The following GEMIN2 variants were observed in gnomAD, a reference collection of about 807,000 sequenced individuals.
The protein encoded by GEMIN2 is gem-associated protein 2.
GEMIN2 carries 37 observed loss-of-function variants against 45.8 expected under a neutral mutation model. The observed-to-expected ratio is 0.81, with a 90% confidence interval of 0.62 to 1.06. The LOEUF (loss-of-function observed/expected upper bound fraction) is 1.06. Among genes scored for constraint, GEMIN2 ranks in the 50% least tolerant of loss-of-function variants. The probability of loss-of-function intolerance (pLI) is 0.00; values close to 1 mark genes in which losing one functional copy is unlikely to be tolerated. For missense variants in GEMIN2, 335 were observed against 321.8 expected, an observed-to-expected ratio of 1.04 and a Z score of -0.31; for synonymous variants, 101 against 111.5, an observed-to-expected ratio of 0.91 and a Z score of 0.60.
intron 6 of GEMIN2, 150 bp from the exon 7 acceptor site, chr14:39,128,130 A>C: frequency 2.0e-6 from 1 of 492,668 alleles, no homozygotes; most frequent in Admixed American, 3.7e-5. Flanking sequence ...AACTAATTAG[A>C]GTCAAACAAA....
chr14:39,121,048 T>G (rs909460133), intron 4 of GEMIN2, among the ~76,000 whole-genome samples: 5 of 152,374 alleles, frequency 3.3e-5, no homozygotes, highest in Admixed American at 3.3e-4. Flanking sequence ...TGAGTAGATC[T>G]GTTTCTTCTT....
At position 39,114,332 on chromosome 14, in the gene GEMIN2, G is replaced by GA; in HGVS notation, c.-3dup. 1.9e-6 allele frequency: 3 copies of GA among 1,613,972 alleles called. No individual in the cohort carries two copies. The highest frequency in any genetic ancestry group is 2.5e-6 in the Non-Finnish European group (3 of 1,179,920). On this transcript the variant is annotated 5_prime_UTR_variant, in exon 1 of 10. Transcript: ENST00000308317. ...TGCGCCGAGCGGAACTGGCTGGTTT[G>GA]AAAACCATGGCGTGGGTACCAGCGG...
chr14:39,128,661 TG>T (rs2052678356), intron 7 of GEMIN2, among the ~76,000 whole-genome samples: 1 of 151,702 alleles, frequency 6.6e-6, no homozygotes, highest in African/African-American at 2.4e-5. Context: ...CAGTTTTTTT[TG>T]TTTTTTGTTT....
In GEMIN2 at chr14:39,114,392, G is replaced by C; in HGVS notation, c.54G>C (p.Leu18Phe). 2 of 1,613,974 alleles carry C rather than the reference G, an allele frequency of 1.2e-6. No individual in the cohort carries two copies. Among genetic ancestry groups the C allele is most frequent in the Middle Eastern group, 3.3e-4 (2 of 6,062 alleles). ...SAVEELMPRL[L>F]PVEPCDLTEG... ...TGGAAGAGTTGATGCCTCGGCTATT[G>C]CCGGTAGAGCCTTGCGACTTGACGG... Residue 18 changes from leucine (L) to phenylalanine (F), a missense_variant, in exon 1 of 10, where the codon TTG (leucine) becomes TTC (phenylalanine). Transcript: ENST00000308317.
In GEMIN2 at chr14:39,136,632, A is replaced by C; in HGVS notation, c.*153A>C. On this transcript the variant is annotated 3_prime_UTR_variant, in exon 10 of 10. Coordinates refer to ENST00000308317, the MANE Select transcript of GEMIN2 (RefSeq NM_003616.3). ...CTGTGCAATTCAGATTGATACTCAG[A>C]ATATGGGTTGATTTGAATATCTGAA... The C allele has an allele frequency of 1.7e-6, 1 of 585,072 alleles. No individual in the cohort carries two copies. Among genetic ancestry groups the C allele is most frequent in the Non-Finnish European group, 3.0e-6 (1 of 330,856 alleles). The allele number at this position is 585,072 out of a possible 1,614,324, so 36.2% of individuals were successfully genotyped here. A position where few individuals can be genotyped will look rare whatever the true frequency, so the allele number is the denominator to read the frequency against.
chr14:39,131,290 T>G (rs545440032), intron 7 of GEMIN2, among the ~76,000 whole-genome samples: 68 of 152,096 alleles, frequency 4.5e-4, no homozygotes, highest in South Asian at 2.5e-3. Context: ...AGAGTGAAAC[T>G]CTGTCTCAAA....
At chr14:39,121,370 A>C (rs1358666416) in intron 4 of GEMIN2, among the ~76,000 whole-genome samples, 1 of 152,042 alleles carries the variant, frequency 6.6e-6, no homozygotes, top group African/African-American at 2.4e-5. Context: ...CTATCTCTAC[A>C]AAAAAAATTT....
intron 8 of GEMIN2, 60 bp downstream of exon 8, chr14:39,132,128 AAGG>A: frequency 1.2e-6 from 1 of 803,206 alleles, no homozygotes; most frequent in Non-Finnish European, 2.2e-6. Flanking sequence ...GGTGGTAAAG[AAGG>A]AGTTCAGTGA....
At chr14:39,122,409 G>GTTTTT (rs60205535) in intron 4 of GEMIN2, 21 bp from the exon 5 acceptor site, 28 of 1,029,162 alleles carry the variant, frequency 2.7e-5, no homozygotes, top group Admixed American at 6.7e-5. Flanking sequence ...GAATAAATCA[G>GTTTTT]TTTTTTTTTT....
At chr14:39,120,003 A>G (rs1374321512) in intron 4 of GEMIN2, among the ~76,000 whole-genome samples, 1 of 152,200 alleles carries the variant, frequency 6.6e-6, no homozygotes, top group Non-Finnish European at 1.5e-5. Context: ...AGGGCTAGGT[A>G]GGTAAATATA....
At chr14:39,125,184 C>T (rs989517449) in intron 6 of GEMIN2, 148 bp downstream of exon 6, 10 of 522,576 alleles carry the variant, frequency 1.9e-5, no homozygotes, top group Non-Finnish European at 3.4e-6. Context: ...TTACTACAAC[C>T]CTCTATGGAG....
At chr14:39,119,690 A>G (rs907733814) in intron 4 of GEMIN2, among the ~76,000 whole-genome samples, 1 of 152,216 alleles carries the variant, frequency 6.6e-6, no homozygotes, top group Non-Finnish European at 1.5e-5. Flanking sequence ...CTGCTTGCAT[A>G]TTCTTCCTGA....
At chr14:39,127,336 G>GTTTTTT (rs760931815) in intron 6 of GEMIN2, among the ~76,000 whole-genome samples, 33 of 56,066 alleles carry the variant, frequency 5.9e-4, no homozygotes, top group East Asian at 1.3e-3. Flanking sequence ...GTGTGCCATT[G>GTTTTTT]TTTTTTTTTT....
chr14:39,126,652 T>C (rs2052644389), intron 6 of GEMIN2, among the ~76,000 whole-genome samples: 1 of 152,274 alleles, frequency 6.6e-6, no homozygotes, highest in Non-Finnish European at 1.5e-5. Context: ...AAGAGTTTGA[T>C]AAATCCATCT....
intron 9 of GEMIN2, 40 bp from the exon 10 acceptor site, chr14:39,136,400 A>T: frequency 2.0e-6 from 2 of 1,012,198 alleles, no homozygotes; most frequent in Non-Finnish European, 1.6e-6. Context: ...TGCTACAGTT[A>T]ATATCTTTAT....
At chr14:39,114,770 C>G (rs1393161174) in intron 1 of GEMIN2, 59 bp from the exon 2 acceptor site, 28 of 984,064 alleles carry the variant, frequency 2.8e-5, no homozygotes, top group Non-Finnish European at 4.5e-5. Context: ...GCTTGTTTTA[C>G]TACACCTGAG....
chr14:39,134,221 TTTG>T (rs1316862564), intron 9 of GEMIN2: 1 of 152,242 alleles, frequency 6.6e-6, no homozygotes, highest in Non-Finnish European at 1.5e-5. Flanking sequence ...GAAAACTTTT[TTTG>T]TTGTTTTGTT....
In GEMIN2 at chr14:39,133,653, T is replaced by C; in HGVS notation, c.712-8T>C. ...ACAATATTTAAATTTTTCTTTTTTT[T>C]TTTTTAGGATAGCAAAGATGATGAG... is the stretch of plus-strand genomic sequence containing the variant. On this transcript the variant is annotated splice_region_variant and splice_polypyrimidine_tract_variant and intron_variant, in intron 8 of 9. Coordinates refer to ENST00000308317, the MANE Select transcript of GEMIN2 (RefSeq NM_003616.3). The C allele has an allele frequency of 6.9e-7, 1 of 1,456,100 alleles. No homozygotes were observed. Among genetic ancestry groups the C allele is most frequent in the Non-Finnish European group, 9.3e-7 (1 of 1,076,292 alleles). The allele number at this position is 1,456,100 out of a possible 1,614,324, so 90.2% of individuals were successfully genotyped here. A position where few individuals can be genotyped will look rare whatever the true frequency, so the allele number is the denominator to read the frequency against.
chr14:39,136,524 G>A lies in GEMIN2; in HGVS notation c.*45G>A. The A allele has an allele frequency of 1.3e-6, 2 of 1,513,738 alleles. No individual in the cohort carries two copies. The highest frequency in any genetic ancestry group is 1.8e-6 in the Non-Finnish European group (2 of 1,094,184). 93.8% of individuals were successfully genotyped at this position (1,513,738 alleles called of 1,614,324 possible). On this transcript the variant is annotated 3_prime_UTR_variant, in exon 10 of 10. Coordinates refer to ENST00000308317, the MANE Select transcript of GEMIN2 (RefSeq NM_003616.3). ...ATAGAAGATATTTCTCATGAAGGCA[G>A]CCTAACTCTGAGGAAAACAATGCCA...
Sources: gnomAD v4.1 joint callset for allele counts (sites outside exome capture counted in the v4.1 genomes callset) on GRCh38, gnomAD v4.1.1 for gene constraint, MANE v1.5 for transcripts, NCBI Gene and HGNC (gene_info 2026-07-23, HGNC 2026-07-21) for gene names.